The following MCTP1 variants were observed in gnomAD, a reference collection of about 807,000 sequenced individuals.
MCTP1 encodes the protein multiple C2 and transmembrane domain-containing protein 1.
Under a neutral mutation model 120.6 loss-of-function variants are expected in MCTP1, and 69 were observed. The ratio of observed to expected loss-of-function variants is 0.57; its 90% CI spans 0.47 to 0.70. The LOEUF is 0.70. Among genes scored for constraint, MCTP1 ranks in the 30% least tolerant of loss-of-function variants. The probability of loss-of-function intolerance (pLI) is 0.00; values close to 1 mark genes in which losing one functional copy is unlikely to be tolerated. For missense variants in MCTP1, 1,203 were observed against 1,248.8 expected, an observed-to-expected ratio of 0.96 and a Z score of 0.55; for synonymous variants, 529 against 493.1, an observed-to-expected ratio of 1.07 and a Z score of -0.96.
At chr5:94,807,588 G>A (rs982129149) in intron 17 of MCTP1, among the ~76,000 whole-genome samples, 5 of 152,156 alleles carry the variant, frequency 3.3e-5, no homozygotes, top group Non-Finnish European at 7.4e-5. Context: ...ACAAGAAAGG[G>A]AATATAAAAA....
intron 19 of MCTP1, among the ~76,000 whole-genome samples, chr5:94,748,819 AAG>A (rs1300398535): frequency 2.0e-5 from 3 of 152,212 alleles, no homozygotes; most frequent in African/African-American, 7.2e-5. Context: ...TAAGTAGAAA[AAG>A]AGAAGCAAAT....
intron 19 of MCTP1, among the ~76,000 whole-genome samples, chr5:94,746,378 T>C (rs947514285): frequency 9.2e-5 from 14 of 152,224 alleles, no homozygotes; most frequent in African/African-American, 2.7e-4. Flanking sequence ...TGACTCATTT[T>C]CTCCTATCTT....
At chr5:94,736,432 G>A (rs564663260) in intron 19 of MCTP1, among the ~76,000 whole-genome samples, 9 of 152,212 alleles carry the variant, frequency 5.9e-5, no homozygotes, top group South Asian at 2.1e-4. Context: ...GCAGTGAGGC[G>A]AAATTGTGCC....
intron 3 of MCTP1, among the ~76,000 whole-genome samples, chr5:94,944,867 G>A (rs1216942422): frequency 6.6e-6 from 1 of 152,166 alleles, no homozygotes; most frequent in Non-Finnish European, 1.5e-5. Context: ...ACAGAGCATA[G>A]GAGAGAGATA....
At chr5:94,861,628 G>A (rs1795800137) in intron 17 of MCTP1, among the ~76,000 whole-genome samples, 1 of 151,658 alleles carries the variant, frequency 6.6e-6, no homozygotes, top group South Asian at 2.1e-4. Context: ...TTCATAATAT[G>A]TTGCAATGGA....
intron 18 of MCTP1, among the ~76,000 whole-genome samples, chr5:94,798,721 A>G (rs1780578850): frequency 6.6e-6 from 1 of 152,198 alleles, no homozygotes; most frequent in Non-Finnish European, 1.5e-5. Context: ...AATAAGAAGA[A>G]TAAAGCAATT....
intron 17 of MCTP1, among the ~76,000 whole-genome samples, chr5:94,837,492 G>GC (rs1329077823): frequency 1.3e-5 from 2 of 152,148 alleles, no homozygotes; most frequent in African/African-American, 4.8e-5. Flanking sequence ...TCACTCCTCT[G>GC]CCCCTTGGTC....
intron 1 of MCTP1, among the ~76,000 whole-genome samples, chr5:95,049,243 C>T (rs1489586595): frequency 1.3e-5 from 2 of 152,078 alleles, no homozygotes; most frequent in South Asian, 2.1e-4. Flanking sequence ...GGGTTTCGCA[C>T]TTCCCGTTAA....
chr5:95,276,554 G>C (rs1759854516), intron 1 of MCTP1, among the ~76,000 whole-genome samples: 1 of 151,074 alleles, frequency 6.6e-6, no homozygotes, highest in Non-Finnish European at 1.5e-5. Flanking sequence ...ACTGCGCCCA[G>C]CCAATATTGG....
intron 19 of MCTP1, among the ~76,000 whole-genome samples, chr5:94,767,559 A>T (rs1374613933): frequency 6.6e-6 from 1 of 152,194 alleles, no homozygotes; most frequent in Non-Finnish European, 1.5e-5. Flanking sequence ...AACAAATTCA[A>T]TATAATTGTA....
chr5:94,984,652 T>C (rs433273), intron 2 of MCTP1, among the ~76,000 whole-genome samples: 127,651 of 152,084 alleles, frequency 0.84, 53,715 homozygotes, highest in African/African-American at 0.88. Flanking sequence ...AGTAAAACAA[T>C]GGACACATGA....
intron 1 of MCTP1, among the ~76,000 whole-genome samples, chr5:95,114,888 C>T (rs1757704901): frequency 6.6e-6 from 1 of 152,158 alleles, no homozygotes; most frequent in African/African-American, 2.4e-5. Flanking sequence ...AGCACAGACA[C>T]AGTGGTGCTT....
chr5:94,826,647 T>C, intron 17 of MCTP1: 1 of 753,172 alleles, frequency 1.3e-6, no homozygotes, highest in Non-Finnish European at 2.3e-6. Flanking sequence ...TTCTTGAGGG[T>C]TTCTGGCACA....
intron 10 of MCTP1, among the ~76,000 whole-genome samples, chr5:94,904,007 G>A (rs931943618): frequency 3.9e-5 from 6 of 152,156 alleles, no homozygotes; most frequent in African/African-American, 9.7e-5. Context: ...GCTGATTATC[G>A]TAAAGGGGGC....
rs1756789670 is a variant in MCTP1 at position 95,246,386 on chromosome 5, T to C, written c.720+37470A>G. ...CAATTAAAAGACATAAACTGGTAAA[T>C]AGGATAAAGAGTCAGGAGACCCATC... On this transcript the variant is annotated intron_variant, in intron 1 of 22. Transcript: ENST00000515393. 3.3e-5 allele frequency among the ~76,000 whole-genome samples: 5 copies of C among 151,342 alleles called. No homozygotes were observed. In the South Asian group the frequency reaches 1.0e-3, roughly 32 times the overall value.
chr5:95,076,957 C>A (rs977175159), intron 1 of MCTP1, among the ~76,000 whole-genome samples: 2 of 152,132 alleles, frequency 1.3e-5, no homozygotes, highest in Non-Finnish European at 2.9e-5. Context: ...TCCCTCCCCG[C>A]CTTGTAAACT....
chr5:95,274,462 T>C (rs943236886), intron 1 of MCTP1, among the ~76,000 whole-genome samples: 2 of 152,078 alleles, frequency 1.3e-5, no homozygotes, highest in Non-Finnish European at 1.5e-5. Flanking sequence ...CCCCAACCCA[T>C]GTACTTAGGA....
intron 10 of MCTP1, among the ~76,000 whole-genome samples, chr5:94,897,794 C>G (rs1303132208): frequency 6.6e-6 from 1 of 152,166 alleles, no homozygotes; most frequent in Non-Finnish European, 1.5e-5. Flanking sequence ...AAGCCTAGTA[C>G]TCAATAGTTA....
intron 2 of MCTP1, among the ~76,000 whole-genome samples, chr5:94,977,213 T>G (rs1173203680): frequency 6.6e-6 from 1 of 152,110 alleles, no homozygotes; most frequent in African/African-American, 2.4e-5. Context: ...AAAAGAATTG[T>G]GTCTACATTA....
Sources: allele counts gnomAD v4.1 joint callset (sites outside exome capture counted in the v4.1 genomes callset), GRCh38; gene constraint gnomAD v4.1.1; transcripts MANE v1.5; gene names NCBI Gene and HGNC (gene_info 2026-07-23, HGNC 2026-07-21).